Variants in WNK3 observed in about 807,000 individuals in gnomAD.
WNK3 encodes serine/threonine-protein kinase WNK3.
WNK3 carries 18 observed loss-of-function variants against 116.7 expected under a neutral mutation model. The observed-to-expected ratio is 0.15, with a 90% CI of 0.11 to 0.23. WNK3 has a LOEUF of 0.23. WNK3 is among the 10% of genes least tolerant of loss of function. The pLI is 1.00. For missense variants in WNK3, 993 were observed against 1,323.8 expected (o/e 0.75, Z 3.88); for synonymous variants, 404 against 469.4 (o/e 0.86, Z 1.80).
intron 5 of WNK3, among the ~76,000 whole-genome samples, chrX:54,302,769 T>TA (rs2068780546): frequency 1.3e-5 from 1 of 76,876 alleles, no homozygotes; most frequent in African/African-American, 4.8e-5. Context: ...TTTTTTTTTT[T>TA]TTTTTATTTT....
chrX:54,278,090 C>A (rs1278849045), intron 10 of WNK3, among the ~76,000 whole-genome samples: 9 of 102,857 alleles, frequency 8.8e-5, no homozygotes, highest in African/African-American at 3.2e-4. Flanking sequence ...TGAGACCCTG[C>A]CTCAGAAAAA....
At chrX:54,303,597 G>A (rs1451153758) in intron 5 of WNK3, among the ~76,000 whole-genome samples, 2 of 111,235 alleles carry the variant, frequency 1.8e-5, no homozygotes, top group Middle Eastern at 4.6e-3. Flanking sequence ...AGTTAATTTA[G>A]TTCCTAAAAT....
exon 24 of WNK3, chrX:54,195,010 A>G (rs953856150): frequency 8.9e-6 from 1 of 111,839 alleles, no homozygotes; most frequent in Non-Finnish European, 1.9e-5. Flanking sequence ...AAACAGAATG[A>G]ATATTTGTTA....
At chrX:54,306,334 T>A (rs1896845911) in intron 5 of WNK3, among the ~76,000 whole-genome samples, 1 of 111,537 alleles carries the variant, frequency 9.0e-6, no homozygotes, top group African/African-American at 3.3e-5. Context: ...GTCAAACAGA[T>A]ATATGCATGC....
At chrX:54,245,351 G>A (rs2068064917) in intron 17 of WNK3, among the ~76,000 whole-genome samples, 1 of 109,892 alleles carries the variant, frequency 9.1e-6, no homozygotes, top group African/African-American at 3.3e-5. Flanking sequence ...GCCAAGCATG[G>A]TAGCACGCAC....
chrX:54,299,701 C>T (rs1197806337), intron 6 of WNK3, among the ~76,000 whole-genome samples: 1 of 110,333 alleles, frequency 9.1e-6, no homozygotes, highest in Admixed American at 9.8e-5. Flanking sequence ...CCACTGTGCC[C>T]GTCCCTAAGA....
At chrX:54,203,684 G>A (rs782166270) in intron 22 of WNK3, among the ~76,000 whole-genome samples, 2 of 110,938 alleles carry the variant, frequency 1.8e-5, no homozygotes, top group South Asian at 3.9e-4. Context: ...TGGGCTTTCC[G>A]TTGTACTCCA....
At chrX:54,237,252 T>C (rs370847071) in exon 20 of WNK3, 4 of 1,212,038 alleles carry the variant, frequency 3.3e-6, no homozygotes, top group Non-Finnish European at 4.5e-6. Context: ...TTTCTTCAAA[T>C]TCCTTTTCTG....
At chrX:54,354,983 C>G (rs1557179158) in intron 1 of WNK3, among the ~76,000 whole-genome samples, 1 of 110,968 alleles carries the variant, frequency 9.0e-6, no homozygotes, top group African/African-American at 3.3e-5. Context: ...ACTAGGGAGG[C>G]TGAGGCAGGA....
At chrX:54,311,094 A>G (rs372744704) in intron 3 of WNK3, 25 bp downstream of exon 3, 7 of 1,056,980 alleles carry the variant, frequency 6.6e-6, no homozygotes, top group East Asian at 6.4e-5. Context: ...ATAAAACTAC[A>G]TTGGCACTAT....
At chrX:54,277,264 A>G (rs2068459919) in intron 10 of WNK3, among the ~76,000 whole-genome samples, 1 of 111,660 alleles carries the variant, frequency 9.0e-6, no homozygotes, top group Non-Finnish European at 1.9e-5. Flanking sequence ...AAAGGAAAAT[A>G]AGAAATAAAA....
chrX:54,198,104 G>GA, exon 24 of WNK3: 3 of 308,294 alleles, frequency 9.7e-6, no homozygotes. Context: ...AATTTGAAGT[G>GA]AAAAAACATT....
intron 5 of WNK3, among the ~76,000 whole-genome samples, chrX:54,302,930 ATTTTTTT>A (rs782315389): frequency 2.8e-4 from 23 of 81,706 alleles, no homozygotes; most frequent in African/African-American, 8.5e-4. Context: ...AACTCGGCTA[ATTTTTTT>A]TTTTTTTTTT....
At chrX:54,321,603 T>C (rs782507862) in intron 2 of WNK3, among the ~76,000 whole-genome samples, 1 of 111,644 alleles carries the variant, frequency 9.0e-6, no homozygotes, top group Non-Finnish European at 1.9e-5. Context: ...CACGGTATAA[T>C]AGTCATAATC....
chrX:54,321,868 G>A (rs1362918740), intron 2 of WNK3, among the ~76,000 whole-genome samples: 4 of 108,508 alleles, frequency 3.7e-5, no homozygotes, highest in African/African-American at 6.7e-5. Context: ...GCTGAGGCAG[G>A]AAATTCGCTT....
At chrX:54,308,968 C>T (rs1428469765) in intron 4 of WNK3, 127 bp downstream of exon 4, 2 of 518,469 alleles carry the variant, frequency 3.9e-6, no homozygotes. Flanking sequence ...TAATAAAATT[C>T]GATTTACAAA....
intron 10 of WNK3, among the ~76,000 whole-genome samples, chrX:54,276,494 T>C (rs1278945153): frequency 2.7e-5 from 3 of 111,616 alleles, no homozygotes; most frequent in Non-Finnish European, 5.6e-5. Context: ...GTATCTGTCA[T>C]GAACTTAAGG....
At chrX:54,218,156 C>A (rs782741736) in intron 22 of WNK3, among the ~76,000 whole-genome samples, 7 of 111,234 alleles carry the variant, frequency 6.3e-5, no homozygotes, top group Admixed American at 3.9e-4. Context: ...AAATATGGAT[C>A]GAAAATACAG....
At chrX:54,358,412 C>T (rs2069629091), upstream of WNK3, 1 of 111,310 alleles carries the variant, frequency 9.0e-6, no homozygotes, top group Non-Finnish European at 1.9e-5. Context: ...CCCCACTGCC[C>T]ACCCTTGGGT....
Sources: gnomAD v4.1 joint callset for allele counts (sites outside exome capture counted in the v4.1 genomes callset) on GRCh38, gnomAD v4.1.1 for gene constraint, MANE v1.5 for transcripts, NCBI Gene and HGNC (gene_info 2026-07-23, HGNC 2026-07-21) for gene names.